The following NRXN3 variants were observed in gnomAD, a reference collection of about 807,000 sequenced individuals.
NRXN3 encodes the protein neurexin 3, also known as neurexin III.
Under a neutral mutation model 137.6 loss-of-function variants are expected in NRXN3, and 32 were observed. That is an observed-to-expected ratio of 0.23 (90% CI 0.18 to 0.31). The LOEUF (loss-of-function observed/expected upper bound fraction) is 0.31. NRXN3 is among the 10% of genes least tolerant of loss of function. The pLI, the probability that NRXN3 is intolerant of heterozygous loss-of-function variation, is 1.00. For synonymous variants in NRXN3, 798 were observed against 784.5 expected (o/e 1.02, Z -0.29); for missense variants, 1,574 against 2,062.5 (o/e 0.76, Z 4.59).
At chr14:79,244,720 A>C (rs771355339) in intron 15 of NRXN3, among the ~76,000 whole-genome samples, 1 of 152,136 alleles carries the variant, frequency 6.6e-6, no homozygotes, top group African/African-American at 2.4e-5. Flanking sequence ...CATTCTTTGC[A>C]CCAGGTTTCT....
intron 10 of NRXN3, among the ~76,000 whole-genome samples, chr14:78,840,094 A>G (rs1490576573): frequency 6.6e-6 from 1 of 152,304 alleles, no homozygotes; most frequent in South Asian, 2.1e-4. Context: ...CTTTAGTGAC[A>G]GTTGTTTCTA....
chr14:79,192,968 A>G lies in NRXN3; in HGVS notation c.3262+204827A>G, dbSNP rs541733638. ...GTATTTTTAGTAGAGACAGGGTTTC[A>G]CCATATTGGCCAGGCTGGTCTCAAA... is the stretch of plus-strand genomic sequence containing the variant. On this transcript the variant is annotated intron_variant, in intron 15 of 20. Transcript: ENST00000335750. 3.3e-5 allele frequency among the ~76,000 whole-genome samples: 5 copies of G among 151,800 alleles called. No homozygotes were observed. The South Asian group carries it at 1.0e-3, about 32-fold the overall frequency.
intron 4 of NRXN3, among the ~76,000 whole-genome samples, chr14:78,529,541 A>G (rs1380675501): frequency 1.3e-5 from 2 of 152,186 alleles, no homozygotes; most frequent in African/African-American, 2.4e-5. Context: ...ATATGGCATC[A>G]TCCTCTTCTA....
chr14:79,788,936 C>G (rs2099137444), intron 19 of NRXN3, among the ~76,000 whole-genome samples: 1 of 152,042 alleles, frequency 6.6e-6, no homozygotes, highest in Non-Finnish European at 1.5e-5. Context: ...GGGTAAGGAG[C>G]AGTATAAGCC....
chr14:79,619,216 C>T (rs2098194765), intron 16 of NRXN3, among the ~76,000 whole-genome samples: 2 of 152,074 alleles, frequency 1.3e-5, no homozygotes, highest in South Asian at 4.1e-4. Context: ...AATTAGGTCC[C>T]ACTTAGCAAT....
At position 78,312,709 on chromosome 14, in the gene NRXN3, G is replaced by A. The variant is rs146892328; in HGVS notation, c.757+14849G>A. On this transcript the variant is annotated intron_variant, in intron 4 of 20. Coordinates refer to ENST00000335750, the MANE Select transcript of NRXN3 (RefSeq NM_001330195.2). ...GATGGGTTAAGTTTAGTGCCCGTCC[G>A]TGAGGCAGCCTTGGGGGATGTTGAT... Among the ~76,000 whole-genome samples, 1,172 of 152,016 alleles carry A rather than the reference G, an allele frequency of 7.7e-3. 12 individuals carry two copies. The highest frequency in any genetic ancestry group is 0.027 in the African/African-American group (1,121 of 41,432).
chr14:78,931,077 G>T (rs1219339111), intron 10 of NRXN3, among the ~76,000 whole-genome samples: 1 of 152,140 alleles, frequency 6.6e-6, no homozygotes, highest in Non-Finnish European at 1.5e-5. Context: ...ATAAGTTGTG[G>T]TCAGGAACCA....
chr14:79,358,571 A>AG (rs1235276363), intron 15 of NRXN3, among the ~76,000 whole-genome samples: 4 of 130,144 alleles, frequency 3.1e-5, no homozygotes, highest in Admixed American at 8.2e-5. Context: ...AAAAAAAAAA[A>AG]AAAGAAAGAA....
intron 10 of NRXN3, among the ~76,000 whole-genome samples, chr14:78,882,623 T>A (rs2099132381): frequency 6.6e-6 from 1 of 151,806 alleles, no homozygotes; most frequent in Non-Finnish European, 1.5e-5. Flanking sequence ...ATTTACCCAA[T>A]GCCTATACCC....
intron 1 of NRXN3, among the ~76,000 whole-genome samples, chr14:78,206,750 A>C (rs1448256330): frequency 6.6e-6 from 1 of 152,062 alleles, no homozygotes; most frequent in Non-Finnish European, 1.5e-5. Flanking sequence ...GGGATGTTGG[A>C]GATTATGGAG....
At chr14:78,397,584 T>C (rs1052638138) in intron 4 of NRXN3, among the ~76,000 whole-genome samples, 12 of 151,928 alleles carry the variant, frequency 7.9e-5, no homozygotes, top group Non-Finnish European at 1.6e-4. Context: ...GCTGAGACTA[T>C]ACTCCTTGAA....
chr14:78,644,973 G>A, intron 4 of NRXN3, 147 bp from the exon 5 acceptor site: 1 of 650,554 alleles, frequency 1.5e-6, no homozygotes, highest in Non-Finnish European at 2.5e-6. Context: ...TTCGATATAG[G>A]ACTTGCAGAA....
At chr14:78,477,721 A>C (rs1049433516) in intron 4 of NRXN3, among the ~76,000 whole-genome samples, 1 of 152,240 alleles carries the variant, frequency 6.6e-6, no homozygotes, top group Non-Finnish European at 1.5e-5. Context: ...TATATCTGAA[A>C]AATCTTTCTT....
intron 4 of NRXN3, chr14:78,615,039 A>T (rs1409294788): frequency 2.2e-6 from 1 of 456,694 alleles, no homozygotes; most frequent in South Asian, 1.5e-5. Context: ...GAAGGTAGGG[A>T]TGCTCCTCGT....
At chr14:79,735,289 T>C (rs2098938015) in intron 19 of NRXN3, among the ~76,000 whole-genome samples, 1 of 152,204 alleles carries the variant, frequency 6.6e-6, no homozygotes, top group Non-Finnish European at 1.5e-5. Flanking sequence ...AGTGGGCTAT[T>C]ATGTACATTA....
At chr14:78,397,179 C>A (rs1287519104) in intron 4 of NRXN3, among the ~76,000 whole-genome samples, 2 of 152,182 alleles carry the variant, frequency 1.3e-5, no homozygotes, top group Non-Finnish European at 2.9e-5. Context: ...CTTTACTAAT[C>A]TTCTTGAGTC....
At chr14:79,589,890 T>C (rs999894553) in intron 16 of NRXN3, among the ~76,000 whole-genome samples, 12 of 152,184 alleles carry the variant, frequency 7.9e-5, no homozygotes, top group African/African-American at 2.7e-4. Flanking sequence ...CTAAAAGCTA[T>C]TGAATGACTG....
chr14:79,415,247 T>A lies in NRXN3; in HGVS notation c.3263-51974T>A, dbSNP rs142569811. ...GATTTCACATTTTTTGGATACATAA[T>A]TGGTCCTCCATATCCATGGATTTTA... On this transcript the variant is annotated intron_variant, in intron 15 of 20. Coordinates refer to ENST00000335750, the MANE Select transcript of NRXN3 (RefSeq NM_001330195.2). 1.7e-3 allele frequency among the ~76,000 whole-genome samples: 255 copies of A among 152,258 alleles called. 2 individuals carry two copies. The highest frequency in any genetic ancestry group is 5.3e-3 in the African/African-American group (220 of 41,572).
At chr14:79,252,236 T>C (rs2076036829) in intron 15 of NRXN3, among the ~76,000 whole-genome samples, 1 of 152,216 alleles carries the variant, frequency 6.6e-6, no homozygotes, top group South Asian at 2.1e-4. Flanking sequence ...ATAACACTAA[T>C]GCATAATAAC....
Sources: allele counts gnomAD v4.1 joint callset (sites outside exome capture counted in the v4.1 genomes callset), GRCh38; gene constraint gnomAD v4.1.1; transcripts MANE v1.5; gene names NCBI Gene and HGNC (gene_info 2026-07-23, HGNC 2026-07-21).